Variants in SH3RF3 observed in about 807,000 individuals in gnomAD.
SH3RF3 encodes SH3 domain containing ring finger 3.
Under a neutral mutation model 66.3 loss-of-function variants are expected in SH3RF3, and 29 were observed. The ratio of observed to expected loss-of-function variants is 0.44; its 90% CI spans 0.33 to 0.60. The LOEUF (loss-of-function observed/expected upper bound fraction) is 0.60. Among genes scored for constraint, SH3RF3 ranks in the 20% least tolerant of loss-of-function variants. SH3RF3 has a pLI of 0.04. For missense variants in SH3RF3, 1,194 were observed against 1,190.9 expected (o/e 1.00, Z -0.04); for synonymous variants, 583 against 532.0 (o/e 1.10, Z -1.32).
intron 8 of SH3RF3, among the ~76,000 whole-genome samples, chr2:109,449,772 T>A (rs1306493480): frequency 6.6e-6 from 1 of 152,210 alleles, no homozygotes; most frequent in African/African-American, 2.4e-5. Flanking sequence ...ATGCCTTAGT[T>A]CCATCTGTTG....
intron 4 of SH3RF3, among the ~76,000 whole-genome samples, chr2:109,411,419 G>T (rs980949946): frequency 6.6e-6 from 1 of 152,176 alleles, no homozygotes; most frequent in South Asian, 2.1e-4. Context: ...ATTCTGTACA[G>T]CTGGGCCTGT....
At chr2:109,392,418 T>A (rs2104416923) in intron 3 of SH3RF3, among the ~76,000 whole-genome samples, 1 of 152,274 alleles carries the variant, frequency 6.6e-6, no homozygotes, top group African/African-American at 2.4e-5. Flanking sequence ...GCCACATTGC[T>A]GTCACCTCGT....
chr2:109,206,821 T>A (rs1372827784), intron 1 of SH3RF3, among the ~76,000 whole-genome samples: 2 of 152,230 alleles, frequency 1.3e-5, no homozygotes, highest in Non-Finnish European at 2.9e-5. Flanking sequence ...TATTAGTTAC[T>A]TAACTCTGGC....
chr2:109,186,525 A>G (rs1437444699), intron 1 of SH3RF3, among the ~76,000 whole-genome samples: 3 of 152,234 alleles, frequency 2.0e-5, no homozygotes, highest in African/African-American at 7.2e-5. Context: ...CCAGACCTTG[A>G]TTTAGAAAGT....
chr2:109,404,903 T>C (rs1429329532), intron 4 of SH3RF3, among the ~76,000 whole-genome samples: 1 of 152,234 alleles, frequency 6.6e-6, no homozygotes, highest in Non-Finnish European at 1.5e-5. Context: ...ACAGCACCCC[T>C]TCCTGAACCT....
At chr2:109,326,499 C>CT (rs1553505402) in intron 1 of SH3RF3, among the ~76,000 whole-genome samples, 1 of 152,118 alleles carries the variant, frequency 6.6e-6, no homozygotes, top group Non-Finnish European at 1.5e-5. Flanking sequence ...GCGCCCTTGC[C>CT]GACACTTGCT....
At chr2:109,206,623 C>T (rs1239830545) in intron 1 of SH3RF3, among the ~76,000 whole-genome samples, 1 of 149,632 alleles carries the variant, frequency 6.7e-6, no homozygotes, top group East Asian at 2.0e-4. Flanking sequence ...GCCTGGGAAA[C>T]ATAAGTAAGA....
At chr2:109,490,261 T>A (rs574090304) in intron 8 of SH3RF3, among the ~76,000 whole-genome samples, 49 of 152,310 alleles carry the variant, frequency 3.2e-4, no homozygotes, top group African/African-American at 1.2e-3. Context: ...CAGGCATGCT[T>A]ACTGCTTGAC....
intron 8 of SH3RF3, among the ~76,000 whole-genome samples, chr2:109,474,868 A>G (rs903809654): frequency 6.6e-5 from 10 of 152,224 alleles, no homozygotes; most frequent in African/African-American, 2.4e-4. Flanking sequence ...TAGTCCAGCA[A>G]CCCTCCAGAG....
At chr2:109,264,957 G>C (rs566267959) in intron 1 of SH3RF3, among the ~76,000 whole-genome samples, 2 of 152,322 alleles carry the variant, frequency 1.3e-5, no homozygotes, top group South Asian at 2.1e-4. Flanking sequence ...GTGGGTGGCA[G>C]GGGGACTAGG....
chr2:109,371,679 G>GTAC lies in SH3RF3; in HGVS notation c.943_944insTAC (p.Glu315delinsValGln). On this transcript the variant is annotated protein_altering_variant and splice_region_variant, in exon 3 of 10. Transcript: ENST00000309415. ...CGGGATCTTCCCGCTCCTGTACGTG[G>GTAC]AGGTAAGACCGTGCCGCCCTCCCAC... 6.2e-7 allele frequency: 1 copy of GTAC among 1,613,574 alleles called. No homozygotes were observed. The highest frequency in any genetic ancestry group is 8.5e-7 in the Non-Finnish European group (1 of 1,179,750).
chr2:109,297,816 T>C (rs1256271485), intron 1 of SH3RF3, among the ~76,000 whole-genome samples: 1 of 151,922 alleles, frequency 6.6e-6, no homozygotes, highest in Non-Finnish European at 1.5e-5. Flanking sequence ...ACTAGGTCAG[T>C]GCTCCTCACC....
intron 5 of SH3RF3, among the ~76,000 whole-genome samples, chr2:109,421,632 T>C (rs1676881121): frequency 6.6e-6 from 1 of 152,154 alleles, no homozygotes; most frequent in Admixed American, 6.5e-5. Context: ...GACCTCTAGC[T>C]CTCCACCTTC....
chr2:109,296,778 G>A (rs1204069509), intron 1 of SH3RF3, among the ~76,000 whole-genome samples: 1 of 152,208 alleles, frequency 6.6e-6, no homozygotes. Flanking sequence ...TGGCGTGTGG[G>A]AATAGGCAGT....
chr2:109,344,590 C>A (rs1682639770), intron 1 of SH3RF3, among the ~76,000 whole-genome samples: 1 of 152,212 alleles, frequency 6.6e-6, no homozygotes, highest in Non-Finnish European at 1.5e-5. Context: ...GGGCATCCAG[C>A]CCATGACAGG....
At chr2:109,416,904 CAAAA>C (rs59855463) in intron 4 of SH3RF3, among the ~76,000 whole-genome samples, 1 of 64,386 alleles carries the variant, frequency 1.6e-5, no homozygotes, top group Admixed American at 1.8e-4. Flanking sequence ...GACTTCATCT[CAAAA>C]AAAAAAAAAA....
intron 1 of SH3RF3, among the ~76,000 whole-genome samples, chr2:109,254,972 C>T (rs1044848816): frequency 6.6e-6 from 1 of 152,140 alleles, no homozygotes; most frequent in African/African-American, 2.4e-5. Flanking sequence ...ATGTGGGGCT[C>T]TGTGGTTCAG....
intron 9 of SH3RF3, among the ~76,000 whole-genome samples, chr2:109,496,061 C>T (rs1679253233): frequency 6.6e-6 from 1 of 152,134 alleles, no homozygotes; most frequent in South Asian, 2.1e-4. Flanking sequence ...ACCGGGTTGC[C>T]CTGGGGTGGC....
intron 3 of SH3RF3, among the ~76,000 whole-genome samples, chr2:109,392,156 A>G (rs1249134098): frequency 4.6e-5 from 7 of 152,226 alleles, no homozygotes; most frequent in Non-Finnish European, 8.8e-5. Flanking sequence ...TTGAATCTCT[A>G]AAATGTACCC....
Sources: allele counts gnomAD v4.1 joint callset (sites outside exome capture counted in the v4.1 genomes callset), GRCh38; gene constraint gnomAD v4.1.1; transcripts MANE v1.5; gene names NCBI Gene and HGNC (gene_info 2026-07-23, HGNC 2026-07-21).